BLTP1: variants seen among roughly 807,000 people sequenced by gnomAD.
The protein encoded by BLTP1 is bridge-like lipid transfer protein family member 1.
chr4:122,349,822 AAGACAT>A, the BLTP1 span: 1 of 1,607,774 alleles, frequency 6.2e-7, no homozygotes, highest in African/African-American at 1.3e-5. This position sits in a 1 kb window ranked among gnomAD's most constrained non-coding sequence, Gnocchi z 4.5. Context: ...TATCTGCTGT[AAGACAT>A]CTGACAAAGA....
At chr4:122,276,410 C>G in the BLTP1 span, 3 of 962,608 alleles carry the variant, frequency 3.1e-6, no homozygotes, top group Admixed American at 1.8e-4. Context: ...AAAACACTAA[C>G]AAAACATCTG....
At chr4:122,344,095 T>G in the BLTP1 span, 1 of 544,234 alleles carries the variant, frequency 1.8e-6, no homozygotes, top group Non-Finnish European at 2.3e-6. Context: ...AACTAACTCT[T>G]GACTTGTATT....
chr4:122,197,288 G>A, the BLTP1 span: 1 of 1,432,742 alleles, frequency 7.0e-7, no homozygotes, highest in Non-Finnish European at 9.3e-7. Flanking sequence ...AGCTGCAACT[G>A]TTACTTTTCT....
At chr4:122,293,559 T>C in the BLTP1 span, among the ~76,000 whole-genome samples, 1 of 151,378 alleles carries the variant, frequency 6.6e-6, no homozygotes, top group African/African-American at 2.4e-5. Flanking sequence ...CACCAGGGCC[T>C]TGGGTCCGAA....
the BLTP1 span, among the ~76,000 whole-genome samples, chr4:122,182,028 A>G: frequency 1.3e-5 from 2 of 152,204 alleles, no homozygotes; most frequent in Non-Finnish European, 2.9e-5. Flanking sequence ...TCATTGGCAC[A>G]CAAAAAATTT....
chr4:122,358,962 C>A, the BLTP1 span, among the ~76,000 whole-genome samples: 1 of 151,926 alleles, frequency 6.6e-6, no homozygotes, highest in Non-Finnish European at 1.5e-5. Context: ...ATAAAAACCT[C>A]TTTAGTACCA....
chr4:122,185,979 A>C, the BLTP1 span: 1 of 1,346,980 alleles, frequency 7.4e-7, no homozygotes, highest in Non-Finnish European at 1.0e-6. Flanking sequence ...GTTTGAGTAA[A>C]AACTTTGAAG....
the BLTP1 span, chr4:122,212,182 A>G: frequency 2.8e-4 from 96 of 339,280 alleles, no homozygotes; most frequent in Non-Finnish European, 3.8e-4. Flanking sequence ...GGTATATAGC[A>G]TCTCAATATT....
chr4:122,271,378 A>G, the BLTP1 span: 104 of 1,613,812 alleles, frequency 6.4e-5, no homozygotes, highest in Non-Finnish European at 8.6e-5. Context: ...ACTTTCGTTC[A>G]TCTGACTTTA....
At chr4:122,224,514 A>G in the BLTP1 span, 2 of 1,612,844 alleles carry the variant, frequency 1.2e-6, no homozygotes, top group Non-Finnish European at 1.7e-6. Context: ...CCCCCTGTGG[A>G]TGAAGTACTC....
At chr4:122,248,992 A>G in the BLTP1 span, 1 of 874,072 alleles carries the variant, frequency 1.1e-6, no homozygotes, top group Non-Finnish European at 1.4e-6. Context: ...TTGGGGTGTT[A>G]ATTTCCACAG....
chr4:122,239,511 T>G, the BLTP1 span: 33 of 1,546,112 alleles, frequency 2.1e-5, no homozygotes, highest in African/African-American at 4.3e-4. Context: ...TGCTTTCTGT[T>G]TTAGTATCCC....
At chr4:122,320,622 G>A in the BLTP1 span, among the ~76,000 whole-genome samples, 2 of 152,056 alleles carry the variant, frequency 1.3e-5, no homozygotes, top group Non-Finnish European at 2.9e-5. Flanking sequence ...TTTAATTAGT[G>A]ATAGGATGGT....
the BLTP1 span, among the ~76,000 whole-genome samples, chr4:122,166,373 C>G: frequency 2.0e-5 from 3 of 152,128 alleles, no homozygotes; most frequent in Non-Finnish European, 4.4e-5. Flanking sequence ...TGTCAAAGTT[C>G]AAATAGTTGT....
At chr4:122,250,688 G>A in the BLTP1 span, 3 of 1,032,408 alleles carry the variant, frequency 2.9e-6, no homozygotes, top group South Asian at 4.7e-5. Flanking sequence ...TCCCTATTTT[G>A]GATTTATGAT....
At chr4:122,228,193 G>T in the BLTP1 span, among the ~76,000 whole-genome samples, 1 of 152,116 alleles carries the variant, frequency 6.6e-6, no homozygotes, top group Non-Finnish European at 1.5e-5. Flanking sequence ...GATTACAGGC[G>T]TGAGCCACTG....
chr4:122,174,714 ATGTTT>A, the BLTP1 span: 1 of 1,233,060 alleles, frequency 8.1e-7, no homozygotes, highest in Non-Finnish European at 1.1e-6. Context: ...TATTGTTAAA[ATGTTT>A]TATGATATTT....
the BLTP1 span, chr4:122,205,916 T>G: frequency 1.0e-6 from 1 of 984,060 alleles, no homozygotes; most frequent in Non-Finnish European, 1.2e-6. Flanking sequence ...AAGACATTGC[T>G]GGGAGTGTAC....
At chr4:122,277,211 C>T in the BLTP1 span, 12 of 415,032 alleles carry the variant, frequency 2.9e-5, no homozygotes, top group Middle Eastern at 1.2e-3. Flanking sequence ...CATGGTGGCA[C>T]GTCTCTGTAG....
Sources: allele counts gnomAD v4.1 joint callset (sites outside exome capture counted in the v4.1 genomes callset), GRCh38; gene constraint gnomAD v4.1.1; non-coding constraint Gnocchi (gnomAD v3.1); transcripts MANE v1.5; gene names NCBI Gene and HGNC (gene_info 2026-07-23, HGNC 2026-07-21).